The following NRG3 variants were observed in gnomAD, a reference collection of about 807,000 sequenced individuals.
NRG3 encodes pro-neuregulin-3, membrane-bound isoform.
A neutral mutation model predicts 66.9 loss-of-function variants in NRG3; 31 were observed. The observed-to-expected ratio is 0.46, with a 90% CI of 0.35 to 0.63. The LOEUF (loss-of-function observed/expected upper bound fraction) is 0.63, where lower values mean the gene tolerates loss of function less well. NRG3 is among the 20% of genes least tolerant of loss of function. The pLI is 0.00. For missense variants in NRG3, 910 were observed against 878.9 expected (o/e 1.04, Z -0.45); for synonymous variants, 393 against 359.4 (o/e 1.09, Z -1.06).
At chr10:82,531,509 AT>A (rs1847259134) in intron 2 of NRG3, among the ~76,000 whole-genome samples, 1 of 151,830 alleles carries the variant, frequency 6.6e-6, no homozygotes, top group South Asian at 2.1e-4. Context: ...GAATAGAAAT[AT>A]TTTATAATCT....
chr10:82,819,651 A>AGAG (rs1482868790), intron 3 of NRG3, among the ~76,000 whole-genome samples: 1 of 152,222 alleles, frequency 6.6e-6, no homozygotes, highest in African/African-American at 2.4e-5. Flanking sequence ...ATGAGACAAC[A>AGAG]GAGTTGGAAG....
intron 1 of NRG3, among the ~76,000 whole-genome samples, chr10:82,323,147 G>A (rs1461297889): frequency 6.6e-6 from 1 of 152,202 alleles, no homozygotes; most frequent in African/African-American, 2.4e-5. Flanking sequence ...TTATGACAGT[G>A]TTGCTTATAA....
chr10:82,282,249 CATTTATTTATTTATTT>C (rs5786542), intron 1 of NRG3, among the ~76,000 whole-genome samples: 141 of 148,540 alleles, frequency 9.5e-4, no homozygotes, highest in African/African-American at 2.6e-3. Context: ...GAAAACATTA[CATTTATTTATTTATTT>C]ATTTATTTAT....
At chr10:82,618,398 A>G (rs1469948553) in intron 2 of NRG3, among the ~76,000 whole-genome samples, 1 of 152,120 alleles carries the variant, frequency 6.6e-6, no homozygotes, top group African/African-American at 2.4e-5. Flanking sequence ...TCCAAAGTTG[A>G]ATGAAGTAAG....
chr10:81,875,422 G>A lies in NRG3; in HGVS notation c.82G>A (p.Ala28Thr). The change falls in exon 1 of 9, where the codon GCT becomes ACT. Residue 28 changes from alanine to threonine, a missense_variant. Transcript: ENST00000372141. The surrounding 1 kb of genome is among the most constrained non-coding windows in gnomAD (Gnocchi z 5.3). Reference protein sequence around the residue: ...AASAEEGTAAAAAAAAAGGGP... With the variant: ...AASAEEGTAATAAAAAAGGGP... ...CTCGGCCGAGGAGGGCACCGCGGCGGCTGCGGCGGCGGCAGCGGCGGGCGG... is the reference window on the plus strand; with the variant it reads ...CTCGGCCGAGGAGGGCACCGCGGCGACTGCGGCGGCGGCAGCGGCGGGCGG... The A allele has an allele frequency of 9.2e-7, 1 of 1,082,494 alleles. No individual in the cohort carries two copies. The highest frequency in any genetic ancestry group is 1.1e-6 in the Non-Finnish European group (1 of 894,168). The allele number at this position is 1,082,494 out of a possible 1,614,324, so 67.1% of individuals were successfully genotyped here.
intron 1 of NRG3, chr10:81,878,245 T>C (rs1245654994): frequency 2.3e-5 from 14 of 615,552 alleles, no homozygotes; most frequent in Non-Finnish European, 3.3e-5. Flanking sequence ...CACATAGACA[T>C]ATAAGCAGTA....
intron 1 of NRG3, among the ~76,000 whole-genome samples, chr10:82,176,626 T>A (rs2073051502): frequency 6.6e-6 from 1 of 152,098 alleles, no homozygotes; most frequent in South Asian, 2.1e-4. Context: ...TTGGGTTGAA[T>A]GCTGTAGAGT....
At chr10:82,115,584 G>A (rs1350412077) in intron 1 of NRG3, among the ~76,000 whole-genome samples, 2 of 152,006 alleles carry the variant, frequency 1.3e-5, no homozygotes, top group Non-Finnish European at 2.9e-5. Context: ...GGGTATCTGG[G>A]GCTTGGTTGT....
At chr10:82,040,819 G>A (rs930870082) in intron 1 of NRG3, among the ~76,000 whole-genome samples, 1 of 152,028 alleles carries the variant, frequency 6.6e-6, no homozygotes, top group African/African-American at 2.4e-5. Context: ...CCCTGCCCCA[G>A]TATATGTCAG....
intron 2 of NRG3, among the ~76,000 whole-genome samples, chr10:82,462,087 C>CA (rs1394107338): frequency 2.0e-5 from 3 of 152,132 alleles, no homozygotes; most frequent in Non-Finnish European, 2.9e-5. Flanking sequence ...GCTGAGATCA[C>CA]ACCATTGCAT....
intron 3 of NRG3, among the ~76,000 whole-genome samples, chr10:82,828,187 T>C (rs561136275): frequency 6.6e-6 from 1 of 152,266 alleles, no homozygotes; most frequent in African/African-American, 2.4e-5. Context: ...AGAGCAAGGA[T>C]GGCGTAAAGA....
intron 2 of NRG3, among the ~76,000 whole-genome samples, chr10:82,405,823 T>C (rs145169457): frequency 0.012 from 1,772 of 152,272 alleles, 26 homozygotes; most frequent in African/African-American, 0.039. Flanking sequence ...TCGCAAATGA[T>C]TGGACCCTGA....
At chr10:82,796,589 G>A (rs1476291278) in intron 3 of NRG3, among the ~76,000 whole-genome samples, 4 of 152,094 alleles carry the variant, frequency 2.6e-5, no homozygotes, top group Non-Finnish European at 2.9e-5. Context: ...AGAGAGAGAG[G>A]GGGAGGCAAA....
chr10:82,974,003 A>G, intron 7 of NRG3, 88 bp downstream of exon 7: 1 of 1,460,278 alleles, frequency 6.8e-7, no homozygotes, highest in Non-Finnish European at 9.5e-7. Flanking sequence ...AGCATGACTT[A>G]GGAGAGACAA....
intron 2 of NRG3, among the ~76,000 whole-genome samples, chr10:82,736,235 T>C (rs998762346): frequency 6.6e-6 from 1 of 152,204 alleles, no homozygotes; most frequent in South Asian, 2.1e-4. Context: ...CCAACTTCAA[T>C]CTATGCACTA....
chr10:82,766,921 C>CAAAA (rs2059534854), intron 3 of NRG3, among the ~76,000 whole-genome samples: 1 of 150,308 alleles, frequency 6.7e-6, no homozygotes, highest in Admixed American at 6.7e-5. Context: ...TTTTTCTTAC[C>CAAAA]TTACTCATAG....
intron 1 of NRG3, among the ~76,000 whole-genome samples, chr10:82,065,802 A>G (rs1310298927): frequency 6.6e-6 from 1 of 152,208 alleles, no homozygotes; most frequent in Non-Finnish European, 1.5e-5. Context: ...TGCAATAACC[A>G]GAAAAGATCC....
At chr10:82,372,965 C>T (rs550206343) in intron 2 of NRG3, among the ~76,000 whole-genome samples, 1 of 152,336 alleles carries the variant, frequency 6.6e-6, no homozygotes, top group Admixed American at 6.5e-5. Flanking sequence ...AACATATCCA[C>T]TTAAGGATGC....
chr10:82,784,953 C>T (rs1482930685), intron 3 of NRG3, among the ~76,000 whole-genome samples: 2 of 152,142 alleles, frequency 1.3e-5, no homozygotes, highest in Non-Finnish European at 2.9e-5. Flanking sequence ...TTGGAACCAA[C>T]CCAAATGTCC....
Sources: gnomAD v4.1 joint callset for allele counts (sites outside exome capture counted in the v4.1 genomes callset) on GRCh38, gnomAD v4.1.1 for gene constraint, Gnocchi (gnomAD v3.1) non-coding constraint, MANE v1.5 for transcripts, NCBI Gene and HGNC (gene_info 2026-07-23, HGNC 2026-07-21) for gene names.